SLC14A2: variants seen among roughly 807,000 people sequenced by gnomAD.
SLC14A2 encodes the protein solute carrier family 14 member 2.
Under a neutral mutation model 104.6 loss-of-function variants are expected in SLC14A2, and 91 were observed. The ratio of observed to expected loss-of-function variants is 0.87; its 90% CI spans 0.73 to 1.04. SLC14A2 has a LOEUF of 1.04. Among genes scored for constraint, SLC14A2 ranks in the 50% least tolerant of loss-of-function variants. The pLI, the probability that SLC14A2 is intolerant of heterozygous loss-of-function variation, is 0.00. For missense variants in SLC14A2, 1,189 were observed against 1,156.0 expected (o/e 1.03, Z -0.41); for synonymous variants, 476 against 466.4 (o/e 1.02, Z -0.27).
chr18:45,228,878 C>T (rs1258947942), intron 1 of SLC14A2, among the ~76,000 whole-genome samples: 2 of 152,156 alleles, frequency 1.3e-5, no homozygotes, highest in Non-Finnish European at 2.9e-5. Flanking sequence ...TCACCTGAAC[C>T]TCATGCCTCT....
chr18:45,244,336 G>T (rs1047160608), intron 1 of SLC14A2, among the ~76,000 whole-genome samples: 2 of 152,092 alleles, frequency 1.3e-5, no homozygotes, highest in African/African-American at 4.8e-5. Flanking sequence ...GCCGGGGGGA[G>T]GGGGGTGGTG....
chr18:45,565,354 G>A (rs550511654), intron 2 of SLC14A2, among the ~76,000 whole-genome samples: 9 of 152,140 alleles, frequency 5.9e-5, no homozygotes, highest in African/African-American at 1.2e-4. Context: ...TTGATCTCCC[G>A]ACCTCATGAT....
chr18:45,396,286 T>A (rs1205853244), intron 1 of SLC14A2, among the ~76,000 whole-genome samples: 1 of 152,212 alleles, frequency 6.6e-6, no homozygotes, highest in Non-Finnish European at 1.5e-5. Flanking sequence ...ATCCTTTCTA[T>A]GACTTCATAC....
chr18:45,355,226 A>G (rs1235045670), intron 1 of SLC14A2, among the ~76,000 whole-genome samples: 3 of 152,152 alleles, frequency 2.0e-5, no homozygotes, highest in Non-Finnish European at 4.4e-5. Context: ...GTAAGTGCTC[A>G]AAGAATGACA....
intron 2 of SLC14A2, among the ~76,000 whole-genome samples, chr18:45,596,012 C>G (rs914270063): frequency 6.6e-6 from 1 of 152,114 alleles, no homozygotes; most frequent in Non-Finnish European, 1.5e-5. Flanking sequence ...CGGACTTCAT[C>G]CAAGAAAAAG....
chr18:45,208,284 A>G (rs2083932180), upstream of SLC14A2, among the ~76,000 whole-genome samples: 1 of 152,254 alleles, frequency 6.6e-6, no homozygotes, highest in South Asian at 2.1e-4. Flanking sequence ...AATTCTTTGA[A>G]GTATGCCTAA....
At chr18:45,536,989 A>C in intron 2 of SLC14A2, among the ~76,000 whole-genome samples, 2 of 141,542 alleles carry the variant, frequency 1.4e-5, no homozygotes, top group Admixed American at 7.1e-5. Flanking sequence ...ACAGTGCAAG[A>C]GCTCTCATCG....
At chr18:45,183,226 C>T in the SLC14A2 span, among the ~76,000 whole-genome samples, 1 of 152,162 alleles carries the variant, frequency 6.6e-6, no homozygotes, top group Non-Finnish European at 1.5e-5. Flanking sequence ...CTTGCTGATC[C>T]TCCTGCAATG....
At chr18:45,402,374 A>G (rs1302367747) in intron 1 of SLC14A2, among the ~76,000 whole-genome samples, 3 of 152,266 alleles carry the variant, frequency 2.0e-5, no homozygotes, top group African/African-American at 7.2e-5. Flanking sequence ...TCATAAAAGA[A>G]CACAAAAGAC....
chr18:45,593,639 G>C (rs1167324445), intron 2 of SLC14A2, among the ~76,000 whole-genome samples: 2 of 151,448 alleles, frequency 1.3e-5, no homozygotes, highest in Non-Finnish European at 2.9e-5. Flanking sequence ...ACAGGTGCCT[G>C]CCACCACGCC....
chr18:45,415,995 G>A (rs1370504927), intron 1 of SLC14A2, among the ~76,000 whole-genome samples: 6 of 152,092 alleles, frequency 3.9e-5, no homozygotes, highest in Admixed American at 2.0e-4. Context: ...TGGCAAACTC[G>A]AATTTCTAAC....
At chr18:45,566,980 G>A (rs1252761388) in intron 2 of SLC14A2, among the ~76,000 whole-genome samples, 1 of 152,042 alleles carries the variant, frequency 6.6e-6, no homozygotes, top group Non-Finnish European at 1.5e-5. Context: ...ATTTATTTGA[G>A]CTGAGGACTT....
At chr18:45,229,850 G>A (rs2084157369) in intron 1 of SLC14A2, among the ~76,000 whole-genome samples, 1 of 150,574 alleles carries the variant, frequency 6.6e-6, no homozygotes, top group African/African-American at 2.4e-5. Context: ...TCACCCTATG[G>A]AATGAACATG....
intron 1 of SLC14A2, among the ~76,000 whole-genome samples, chr18:45,275,982 A>G (rs893584807): frequency 1.3e-5 from 2 of 152,280 alleles, no homozygotes; most frequent in Admixed American, 1.3e-4. Context: ...CTGTTTGCGA[A>G]GATGGCATTT....
At chr18:45,460,890 G>T (rs538717777) in intron 1 of SLC14A2, among the ~76,000 whole-genome samples, 1 of 152,126 alleles carries the variant, frequency 6.6e-6, no homozygotes, top group African/African-American at 2.4e-5. Flanking sequence ...AAGCTGGAAG[G>T]AAAAAAGGCT....
At chr18:45,509,234 G>A (rs898016542) in intron 2 of SLC14A2, among the ~76,000 whole-genome samples, 1 of 152,124 alleles carries the variant, frequency 6.6e-6, no homozygotes, top group Non-Finnish European at 1.5e-5. Context: ...CACAAGAGGA[G>A]ATGGACCAAA....
At chr18:45,206,343 T>C in the SLC14A2 span, among the ~76,000 whole-genome samples, 2 of 152,074 alleles carry the variant, frequency 1.3e-5, no homozygotes, top group Non-Finnish European at 2.9e-5. Flanking sequence ...CCTTTTTCAT[T>C]TGTGACATGA....
intron 1 of SLC14A2, among the ~76,000 whole-genome samples, chr18:45,382,634 G>A (rs1231091012): frequency 6.6e-6 from 1 of 152,126 alleles, no homozygotes; most frequent in Admixed American, 6.5e-5. Flanking sequence ...TGAGTTTAAG[G>A]CTATTGTTAT....
intron 1 of SLC14A2, among the ~76,000 whole-genome samples, chr18:45,256,098 C>T (rs1039525971): frequency 2.6e-5 from 4 of 152,150 alleles, no homozygotes; most frequent in East Asian, 3.9e-4. Context: ...GAACAAATGT[C>T]CACCCCTATC....
Sources: gnomAD v4.1 joint callset for allele counts (sites outside exome capture counted in the v4.1 genomes callset) on GRCh38, gnomAD v4.1.1 for gene constraint, MANE v1.5 for transcripts, NCBI Gene and HGNC (gene_info 2026-07-23, HGNC 2026-07-21) for gene names.